Variants in PRSS53 observed in about 807,000 individuals in gnomAD.
The protein encoded by PRSS53 is serine protease 53, also known as EDTP308.
A neutral mutation model predicts 62.7 loss-of-function variants in PRSS53; 54 were observed. That is an observed-to-expected ratio of 0.86 (90% CI 0.69 to 1.08). The LOEUF (loss-of-function observed/expected upper bound fraction) is 1.08, where lower values mean the gene tolerates loss of function less well. Among genes scored for constraint, PRSS53 ranks in the 50% least tolerant of loss-of-function variants. The pLI, the probability that PRSS53 is intolerant of heterozygous loss-of-function variation, is 0.00. For synonymous variants in PRSS53, 273 were observed against 300.0 expected (o/e 0.91, Z 0.93); for missense variants, 688 against 728.3 (o/e 0.94, Z 0.64).
At chr16:31,086,286 G>T in intron 5 of PRSS53, 51 bp downstream of exon 5, 2 of 1,583,788 alleles carry the variant, frequency 1.3e-6, no homozygotes, top group Non-Finnish European at 8.6e-7. Flanking sequence ...CCAACCCCCA[G>T]CCCAGGGTTA....
At chr16:31,086,562 G>A in intron 4 of PRSS53, 71 bp from the exon 5 acceptor site, 1 of 1,564,132 alleles carries the variant, frequency 6.4e-7, no homozygotes. Context: ...AGCCAGGACA[G>A]TTGGGAGCTG....
In PRSS53 at chr16:31,088,858, C is replaced by T; in HGVS notation, c.-49G>A. The T allele has an allele frequency of 1.9e-6, 3 of 1,608,360 alleles. No individual in the cohort carries two copies. The highest frequency in any genetic ancestry group is 8.5e-7 in the Non-Finnish European group (1 of 1,178,468). On this transcript the variant is annotated 5_prime_UTR_variant, in exon 1 of 11. In the 5' UTR this introduces an upstream ATG that the reference lacks. Coordinates refer to ENST00000280606, the Ensembl canonical transcript of PRSS53. ...CTGTGCTCCACTCTGAGAGAGGCCA[C>T]CTGGGTCTCCCTGGCTCCACCTCTG... is the stretch of plus-strand genomic sequence containing the variant.
intron 1 of PRSS53, chr16:31,088,143 A>C: frequency 7.5e-7 from 1 of 1,331,728 alleles, no homozygotes; most frequent in Non-Finnish European, 9.7e-7. Flanking sequence ...TGAGTCAGCC[A>C]GGCGGCCTGT....
intron 6 of PRSS53, among the ~76,000 whole-genome samples, 198 bp downstream of exon 6, chr16:31,085,766 C>T (rs2057225845): frequency 6.6e-6 from 1 of 152,186 alleles, no homozygotes; most frequent in Non-Finnish European, 1.5e-5. Context: ...AGAGATTCCT[C>T]TTCTCACCTA....
intron 1 of PRSS53, chr16:31,088,500 C>T: frequency 7.2e-7 from 1 of 1,388,396 alleles, no homozygotes; most frequent in South Asian, 1.6e-5. Flanking sequence ...AGGACACACG[C>T]AGGCAGCACC....
At chr16:31,085,828 G>T in intron 6 of PRSS53, 136 bp downstream of exon 6, 1 of 764,480 alleles carries the variant, frequency 1.3e-6, no homozygotes, top group Non-Finnish European at 2.2e-6. Flanking sequence ...GCCCTAACAG[G>T]GCTGTTCCCA....
intron 8 of PRSS53, 32 bp downstream of exon 8, chr16:31,084,748 T>G: frequency 9.4e-6 from 15 of 1,593,166 alleles, no homozygotes; most frequent in Non-Finnish European, 1.1e-5. Flanking sequence ...GCAGGTTGGA[T>G]GGACAGCAGC....
intron 5 of PRSS53, 56 bp from the exon 6 acceptor site, chr16:31,086,239 C>T: frequency 1.3e-6 from 2 of 1,590,774 alleles, no homozygotes; most frequent in African/African-American, 2.7e-5. Context: ...ATGGCAGACA[C>T]CCTCTGATTG....
At chr16:31,088,196 G>C in intron 1 of PRSS53, 1 of 1,206,988 alleles carries the variant, frequency 8.3e-7, no homozygotes, top group Non-Finnish European at 1.0e-6. Context: ...TAGCAGCAGA[G>C]GCCTAAGAGG....
At chr16:31,088,110 C>T in intron 1 of PRSS53, 1 of 1,371,932 alleles carries the variant, frequency 7.3e-7, no homozygotes, top group Non-Finnish European at 9.4e-7. Context: ...GGCTTCAGAA[C>T]CCCCAACTCC....
At position 31,083,882 on chromosome 16, in the gene PRSS53, C is replaced by T. The variant is rs1199116315; in HGVS notation, c.1643-73G>A. The T allele has an allele frequency of 1.4e-5, 23 of 1,602,886 alleles. No individual in the cohort carries two copies. In the East Asian group the frequency reaches 2.9e-4, roughly 21 times the overall value. On this transcript the variant is annotated intron_variant, in intron 10 of 10. Coordinates refer to ENST00000280606, the Ensembl canonical transcript of PRSS53. ...GGTCCCTCCCTCCCTCCCCATTCCT[C>T]GAAGGAACAGGGTCTGTCTTGGCCG...
chr16:31,088,837 G>A (rs750830384), exon 1 of PRSS53: 8 of 1,612,798 alleles, frequency 5.0e-6, no homozygotes, highest in Middle Eastern at 1.6e-4. Context: ...TGCCACCTGT[G>A]CTCCACTCTG....
At chr16:31,085,884 T>C in intron 6 of PRSS53, 80 bp downstream of exon 6, 1 of 1,312,886 alleles carries the variant, frequency 7.6e-7, no homozygotes, top group Non-Finnish European at 1.1e-6. Context: ...GCGGTGTGGA[T>C]GCCTATGCCA....
At chr16:31,085,238 T>C in exon 7 of PRSS53, 1 of 1,590,756 alleles carries the variant, frequency 6.3e-7, no homozygotes, top group Admixed American at 1.8e-5. Context: ...CCTGGGGACC[T>C]GCTGTCCTCA....
At chr16:31,086,432 TACAGTTACATGTGGGGCG>T in exon 5 of PRSS53, 1 of 1,614,072 alleles carries the variant, frequency 6.2e-7, no homozygotes, top group Non-Finnish European at 8.5e-7. Context: ...TGGTTGTAGA[TACAGTTACATGTGGGGCG>T]ACTGATGAGA....
In PRSS53 at chr16:31,087,861, C is replaced by T. The variant is rs761732998; in HGVS notation, c.59-35G>A. 3 of 1,613,170 alleles carry T rather than the reference C, an allele frequency of 1.9e-6. No homozygotes were observed. The Admixed American group carries it at 5.0e-5, about 27-fold the overall frequency. ...GAGAGACACAGGTAAGATGCAGGGA[C>T]TCCAGGCCTGCCTAGCTTTGGGGAG... On this transcript the variant is annotated intron_variant, in intron 1 of 10. Coordinates refer to ENST00000280606, the Ensembl canonical transcript of PRSS53.
exon 10 of PRSS53, chr16:31,084,314 C>T (rs374055199): frequency 6.2e-7 from 1 of 1,612,606 alleles, no homozygotes; most frequent in Middle Eastern, 1.7e-4. Flanking sequence ...ACCTCATGCA[C>T]CAGTGGTGCC....
exon 10 of PRSS53, chr16:31,084,236 C>A: frequency 6.2e-7 from 1 of 1,612,084 alleles, no homozygotes; most frequent in Non-Finnish European, 8.5e-7. Context: ...GTGAAGACCG[C>A]CGGCCTGGCG....
At position 31,087,855 on chromosome 16, in the gene PRSS53, C is replaced by T. The variant is rs776748654; in HGVS notation, c.59-29G>A. Reference sequence around the variant, plus strand: ...GGAAGAGAGAGACACAGGTAAGATGCAGGGACTCCAGGCCTGCCTAGCTTT... The same window carrying T: ...GGAAGAGAGAGACACAGGTAAGATGTAGGGACTCCAGGCCTGCCTAGCTTT... On this transcript the variant is annotated intron_variant, in intron 1 of 10. Coordinates refer to ENST00000280606, the Ensembl canonical transcript of PRSS53. 14 of 1,613,182 alleles carry T rather than the reference C, an allele frequency of 8.7e-6. 1 individual carries two copies. The highest frequency in any genetic ancestry group is 1.3e-5 in the African/African-American group (1 of 74,876).
Sources: gnomAD v4.1 joint callset for allele counts (sites outside exome capture counted in the v4.1 genomes callset) on GRCh38, gnomAD v4.1.1 for gene constraint, MANE v1.5 for transcripts, NCBI Gene and HGNC (gene_info 2026-07-23, HGNC 2026-07-21) for gene names.